Variants in MMRN1 observed in about 807,000 individuals in gnomAD.
The protein encoded by MMRN1 is multimerin-1.
A neutral mutation model predicts 100.7 loss-of-function variants in MMRN1; 94 were observed. The observed-to-expected ratio is 0.93, with a 90% CI of 0.79 to 1.11. The LOEUF (loss-of-function observed/expected upper bound fraction) is 1.11. MMRN1 is among the 50% of genes least tolerant of loss of function. The pLI is 0.00. For missense variants in MMRN1, 1,606 were observed against 1,439.1 expected (o/e 1.12, Z -1.88); for synonymous variants, 575 against 505.0 (o/e 1.14, Z -1.86).
chr4:89,916,252 A>T (rs987989371), intron 3 of MMRN1, among the ~76,000 whole-genome samples: 3 of 151,716 alleles, frequency 2.0e-5, no homozygotes, highest in Admixed American at 2.0e-4. Context: ...GACTCCATCC[A>T]ATGAATTCCG....
chr4:89,902,886 T>C (rs1035676850), intron 1 of MMRN1, among the ~76,000 whole-genome samples: 2 of 151,940 alleles, frequency 1.3e-5, no homozygotes, highest in African/African-American at 4.8e-5. Context: ...TTTATCTCAG[T>C]TTGAATACTA....
At chr4:89,950,762 C>T (rs1334845916) in intron 6 of MMRN1, among the ~76,000 whole-genome samples, 1 of 152,014 alleles carries the variant, frequency 6.6e-6, no homozygotes, top group East Asian at 1.9e-4. Flanking sequence ...TATCACTATG[C>T]TGCTCAGGCT....
Position 89,935,323 on chromosome 4 carries a change from C to T in MMRN1, c.1643C>T (p.Thr548Ile). The change falls in exon 6 of 8, where the codon ACT becomes ATT. Residue 548 changes from threonine to isoleucine, a missense_variant. Transcript: ENST00000264790. ...AATAATGTCACTGAGTACATGTCTA[C>T]TTTACATGAAAATATAAAGAAGCAG... ...VSNNVTEYMS[T>I]LHENIKKQSL... is the part of the protein sequence containing the mutation. The T allele has an allele frequency of 6.2e-7, 1 of 1,613,590 alleles. No homozygotes were observed. The highest frequency in any genetic ancestry group is 8.5e-7 in the Non-Finnish European group (1 of 1,179,748).
At chr4:89,933,220 G>A (rs951162824) in intron 5 of MMRN1, among the ~76,000 whole-genome samples, 1 of 152,120 alleles carries the variant, frequency 6.6e-6, no homozygotes, top group African/African-American at 2.4e-5. Context: ...AATCACCTTT[G>A]CTCCAGTTCC....
intron 1 of MMRN1, among the ~76,000 whole-genome samples, chr4:89,881,230 T>C (rs374588126): frequency 6.6e-6 from 1 of 152,130 alleles, no homozygotes; most frequent in Non-Finnish European, 1.5e-5. Context: ...TATGCTAGCA[T>C]CTAGTTAAGT....
At chr4:89,914,625 A>G (rs932222644) in intron 3 of MMRN1, among the ~76,000 whole-genome samples, 4 of 151,512 alleles carry the variant, frequency 2.6e-5, no homozygotes, top group Non-Finnish European at 4.4e-5. Flanking sequence ...TCAAACATAT[A>G]TATTTGTACA....
intron 6 of MMRN1, among the ~76,000 whole-genome samples, chr4:89,950,342 G>GTA (rs1486918542): frequency 6.6e-6 from 1 of 152,070 alleles, no homozygotes; most frequent in African/African-American, 2.4e-5. Flanking sequence ...TATGTCTGGA[G>GTA]TATATATATA....
At chr4:89,907,371 A>T (rs1721600537) in intron 1 of MMRN1, among the ~76,000 whole-genome samples, 1 of 151,470 alleles carries the variant, frequency 6.6e-6, no homozygotes, top group Non-Finnish European at 1.5e-5. Context: ...GATGAATGAC[A>T]ATGTGGAATG....
At position 89,935,603 on chromosome 4, in the gene MMRN1, T is replaced by G; in HGVS notation, c.1923T>G (p.Asp641Glu). The G allele has an allele frequency of 6.2e-7, 1 of 1,613,542 alleles. No homozygotes were observed. The highest frequency in any genetic ancestry group is 8.5e-7 in the Non-Finnish European group (1 of 1,179,748). Residue 641 changes from aspartate (D) to glutamate (E), a missense_variant, in exon 6 of 8, where the codon GAT (aspartate) becomes GAG (glutamate). Coordinates refer to ENST00000264790, the MANE Select transcript of MMRN1 (RefSeq NM_007351.3). ...ACAAAATGAGTGAGCAACTAAATGATTTGACTTATGATATGGAGATCCTTC... is the reference window on the plus strand; with the variant it reads ...ACAAAATGAGTGAGCAACTAAATGAGTTGACTTATGATATGGAGATCCTTC... ...KMDKMSEQLN[D>E]LTYDMEILQP...
chr4:89,904,810 G>C (rs1721510957), intron 1 of MMRN1, among the ~76,000 whole-genome samples: 1 of 151,594 alleles, frequency 6.6e-6, no homozygotes, highest in South Asian at 2.1e-4. Flanking sequence ...TCTAAAATCT[G>C]TTCTATTTTT....
At chr4:89,881,756 A>G (rs1185866884) in intron 1 of MMRN1, among the ~76,000 whole-genome samples, 1 of 151,866 alleles carries the variant, frequency 6.6e-6, no homozygotes, top group Non-Finnish European at 1.5e-5. Context: ...TCATTAATAT[A>G]TTGTTGCAAG....
intron 6 of MMRN1, among the ~76,000 whole-genome samples, chr4:89,949,605 A>T (rs1723094817): frequency 6.6e-6 from 1 of 152,222 alleles, no homozygotes; most frequent in Non-Finnish European, 1.5e-5. Flanking sequence ...AGGTTAAAGG[A>T]ATGTTAGCCA....
At chr4:89,902,337 A>G (rs1434893280) in intron 1 of MMRN1, among the ~76,000 whole-genome samples, 1 of 151,134 alleles carries the variant, frequency 6.6e-6, no homozygotes, top group Non-Finnish European at 1.5e-5. Context: ...AAAAAAAATA[A>G]ATAAATAAGT....
rs180820161 is a variant in MMRN1 at position 89,953,223 on chromosome 4, T to C, written c.3492T>C (p.Val1164=). 5.6e-6 allele frequency: 9 copies of C among 1,613,746 alleles called. No homozygotes were observed. Among genetic ancestry groups the C allele is most frequent in the Middle Eastern group, 1.6e-4 (1 of 6,080 alleles). Residue 1164 remains valine, a synonymous_variant, in exon 8 of 8, where the codon GTT becomes GTC. Transcript: ENST00000264790. The stretch of plus-strand genomic sequence containing the variant: ...CTCATATTTCTGGATTTTTAGTGGT[T>C]GATGGAATAGACAAGCTTGCATTTG... ...FSAHISGFLV[V]DGIDKLAFES...
chr4:89,909,429 T>C (rs773280882), intron 2 of MMRN1, 34 bp downstream of exon 2: 24 of 1,604,412 alleles, frequency 1.5e-5, no homozygotes, highest in Non-Finnish European at 2.0e-5. Flanking sequence ...GCCACTGTTT[T>C]TGCACCATAA....
At chr4:89,917,397 G>A (rs995079559) in intron 3 of MMRN1, among the ~76,000 whole-genome samples, 5 of 151,760 alleles carry the variant, frequency 3.3e-5, no homozygotes, top group African/African-American at 9.7e-5. Context: ...TCGGGATCAC[G>A]AGCACCCAAA....
At chr4:89,889,053 G>A (rs1560576710) in intron 1 of MMRN1, among the ~76,000 whole-genome samples, 1 of 152,074 alleles carries the variant, frequency 6.6e-6, no homozygotes, top group Non-Finnish European at 1.5e-5. Flanking sequence ...CCTCAGAGAA[G>A]GACATTCTTA....
At chr4:89,926,159 A>G (rs1417942565) in intron 4 of MMRN1, among the ~76,000 whole-genome samples, 1 of 152,136 alleles carries the variant, frequency 6.6e-6, no homozygotes, top group African/African-American at 2.4e-5. Context: ...TGGGATTGCT[A>G]GATCATATGG....
chr4:89,879,813 G>C (rs899943020), intron 1 of MMRN1, among the ~76,000 whole-genome samples: 2 of 152,070 alleles, frequency 1.3e-5, no homozygotes, highest in Non-Finnish European at 2.9e-5. Flanking sequence ...AAAATGTTCT[G>C]GCAGAATTCA....
Sources: allele counts gnomAD v4.1 joint callset (sites outside exome capture counted in the v4.1 genomes callset), GRCh38; gene constraint gnomAD v4.1.1; transcripts MANE v1.5; gene names NCBI Gene and HGNC (gene_info 2026-07-23, HGNC 2026-07-21).